The following ACKR1 variants were observed in gnomAD, a reference collection of about 807,000 sequenced individuals.
The protein encoded by ACKR1 is atypical chemokine receptor 1.
In ACKR1, 3 loss-of-function variants were observed where a neutral mutation model predicts 2.5. The ratio of observed to expected loss-of-function variants is 1.18; its 90% CI spans 0.54 to 3.06. ACKR1 has a LOEUF of 3.06. Among genes scored for constraint, ACKR1 ranks in the 30% most tolerant of loss-of-function variants. The probability of loss-of-function intolerance (pLI) is 0.03; values close to 1 mark genes in which losing one functional copy is unlikely to be tolerated. For synonymous variants in ACKR1, 208 were observed against 178.2 expected (o/e 1.17, Z -1.33); for missense variants, 438 against 395.2 (o/e 1.11, Z -0.92).
At position 159,205,900 on chromosome 1, in the gene ACKR1, G is replaced by A; in HGVS notation, c.461G>A (p.Gly154Asp). Residue 154 changes from glycine to aspartate, a missense_variant, in exon 2 of 2, where the codon GGC (glycine) becomes GAC (aspartate). Physicochemically the swap from Gly to Asp is moderately conservative, Grantham distance 94. Transcript: ENST00000368122. ...ALLLGCHASLGHRLGAGQVPG... is the reference protein window; with the variant it reads ...ALLLGCHASLDHRLGAGQVPG... ...CTGCTAGGGTGCCATGCCTCCCTGG[G>A]CCACAGACTGGGTGCAGGCCAGGTC... 1 of 1,614,018 alleles carries A rather than the reference G, an allele frequency of 6.2e-7. No individual in the cohort carries two copies.
intron 1 of ACKR1, 116 bp downstream of exon 1, chr1:159,205,096 G>A (rs1022031510): frequency 7.8e-5 from 98 of 1,255,076 alleles, no homozygotes; most frequent in Non-Finnish European, 1.1e-4. Context: ...CTCCCTTCCT[G>A]CTTTTTTCCT....
At position 159,206,414 on chromosome 1, in the gene ACKR1, G is replaced by T. The variant is rs1443484164; in HGVS notation, c.975G>T (p.Trp325Cys). 1.9e-6 allele frequency: 3 copies of T among 1,613,942 alleles called. No homozygotes were observed. The highest frequency in any genetic ancestry group is 2.5e-6 in the Non-Finnish European group (3 of 1,179,960). The change falls in exon 2 of 2, where the codon TGG (tryptophan) becomes TGT (cysteine). Residue 325 changes from tryptophan to cysteine, a missense_variant. Trp to Cys is a radical substitution (Grantham distance 215). Coordinates refer to ENST00000368122, the MANE Select transcript of ACKR1 (RefSeq NM_002036.4). ...CCTCTCTGCCCCTCCCTGAAGGATG[G>T]TCTTCTCATCTGGACACCCTTGGAA... ...LLPSLPLPEG[W>C]SSHLDTLGSK...
rs765831821 is a variant in ACKR1, at chr1:159,204,926, C to T, written c.-34C>T. On this transcript the variant is annotated 5_prime_UTR_variant, in exon 1 of 2. Coordinates refer to ENST00000368122, the MANE Select transcript of ACKR1 (RefSeq NM_002036.4). ...GCACAGGCGCTGACAGCCGTCCCAG[C>T]CCTTCTGTCTGCGGGCCTGAACCAA... 4 of 1,613,954 alleles carry T rather than the reference C, an allele frequency of 2.5e-6. No individual in the cohort carries two copies. In the African/African-American group the frequency reaches 4.0e-5, roughly 16 times the overall value.
chr1:159,206,031 A>T lies in ACKR1; in HGVS notation c.592A>T (p.Ile198Leu). 1 of 1,614,198 alleles carries T rather than the reference A, an allele frequency of 6.2e-7. No individual in the cohort carries two copies. Among genetic ancestry groups the T allele is most frequent in the Non-Finnish European group, 8.5e-7 (1 of 1,180,008 alleles). ...SGASGGLCTLIYSTELKALQA... is the reference protein window; with the variant it reads ...SGASGGLCTLLYSTELKALQA... Reference sequence around the variant, plus strand: ...TGCTTCTGGTGGACTCTGCACCCTGATATACAGCACGGAGCTGAAGGCTTT... The same window carrying T: ...TGCTTCTGGTGGACTCTGCACCCTGTTATACAGCACGGAGCTGAAGGCTTT... The change falls in exon 2 of 2, where the codon ATA becomes TTA. Residue 198 changes from isoleucine to leucine, a missense_variant. Ile to Leu is a conservative substitution (Grantham distance 5). Transcript: ENST00000368122.
At position 159,204,979 on chromosome 1, in the gene ACKR1, G is replaced by A; in HGVS notation, c.20G>A (p.Arg7Lys). Residue 7 changes from arginine to lysine, a missense_variant and splice_region_variant, in exon 1 of 2, where the codon AGG becomes AAG. Transcript: ENST00000368122. Reference protein sequence around the residue: MGNCLHRAELSPSTENS... With the variant: MGNCLHKAELSPSTENS... The stretch of plus-strand genomic sequence containing the variant: ...GGTGCCATGGGGAACTGTCTGCACA[G>A]GGTGAGTATGGGGCCAGGCCCCAGA... 3 of 1,614,108 alleles carry A rather than the reference G, an allele frequency of 1.9e-6. No homozygotes were observed. Among genetic ancestry groups the A allele is most frequent in the Non-Finnish European group, 2.5e-6 (3 of 1,179,998 alleles).
In ACKR1 at chr1:159,205,346, A is replaced by G; in HGVS notation, c.22-115A>G. 3.1e-6 allele frequency: 4 copies of G among 1,295,608 alleles called. No homozygotes were observed. In the Admixed American group the frequency reaches 8.7e-5, roughly 28 times the overall value. 80.3% of individuals were successfully genotyped at this position (1,295,608 alleles called of 1,614,324 possible). On this transcript the variant is annotated intron_variant, in intron 1 of 1. Coordinates refer to ENST00000368122, the MANE Select transcript of ACKR1 (RefSeq NM_002036.4). ...TCCGCACTGCATCTGACTCCTGCAG[A>G]GACCTTGTTCTCCCACCCGACCTTC...
At chr1:159,205,151 C>T in intron 1 of ACKR1, 171 bp downstream of exon 1, 1 of 801,172 alleles carries the variant, frequency 1.2e-6, no homozygotes, top group Non-Finnish European at 2.0e-6. Flanking sequence ...ATGCTAGCCT[C>T]CTAGCTCCCT....
rs36007769 is a variant in ACKR1 at position 159,206,153 on chromosome 1, G to A, written c.714G>A (p.Gly238=). 9,069 of 1,614,250 alleles carry A rather than the reference G, an allele frequency of 5.6e-3. 39 individuals carry two copies. The highest frequency in any genetic ancestry group is 8.2e-3 in the Middle Eastern group (50 of 6,062). ...GGCTGAAGAAGGCATTGGGTATGGGGCCAGGCCCCTGGATGAATATCCTGT... is the reference window on the plus strand; with the variant it reads ...GGCTGAAGAAGGCATTGGGTATGGGACCAGGCCCCTGGATGAATATCCTGT... ...AKGLKKALGM[G]PGPWMNILWA... The change falls in exon 2 of 2, where the codon GGG becomes GGA. Residue 238 remains glycine, a synonymous_variant. Coordinates refer to ENST00000368122, the MANE Select transcript of ACKR1 (RefSeq NM_002036.4).
Position 159,205,525 on chromosome 1 carries a change from C to T in ACKR1, c.86C>T (p.Ser29Phe). 1 of 1,614,224 alleles carries T rather than the reference C, an allele frequency of 6.2e-7. No individual in the cohort carries two copies. Among genetic ancestry groups the T allele is most frequent in the Non-Finnish European group, 8.5e-7 (1 of 1,180,030 alleles). Reference protein sequence around the residue: ...QLDFEDVWNSSYGVNDSFPDG... With the variant: ...QLDFEDVWNSFYGVNDSFPDG... ...GACTTCGAAGATGTATGGAATTCTT[C>T]CTATGGTGTGAATGATTCCTTCCCA... Residue 29 changes from serine (S) to phenylalanine (F), a missense_variant, in exon 2 of 2, where the codon TCC (serine) becomes TTC (phenylalanine). By Grantham distance (155) the Ser-to-Phe change is radical. Transcript: ENST00000368122.
intron 1 of ACKR1, 28 bp from the exon 2 acceptor site, chr1:159,205,433 G>A (rs772160190): frequency 2.5e-6 from 4 of 1,586,884 alleles, no homozygotes; most frequent in Non-Finnish European, 3.4e-6. Flanking sequence ...GTGTAACTCT[G>A]ATGGCCTCCT....
intron 1 of ACKR1, 128 bp downstream of exon 1, chr1:159,205,108 T>C: frequency 8.5e-7 from 1 of 1,178,760 alleles, no homozygotes; most frequent in Non-Finnish European, 1.2e-6. Flanking sequence ...TTTTTTCCTC[T>C]TCCTTCAAAG....
intron 1 of ACKR1, 44 bp downstream of exon 1, chr1:159,205,024 C>T: frequency 1.3e-6 from 2 of 1,595,044 alleles, no homozygotes; most frequent in Middle Eastern, 1.7e-4. Context: ...CCCTATGCCC[C>T]TCATTTCCCC....
In ACKR1 at chr1:159,206,374, C is replaced by T. The variant is rs1405957013; in HGVS notation, c.935C>T (p.Thr312Ile). The T allele has an allele frequency of 3.1e-6, 5 of 1,614,122 alleles. No individual in the cohort carries two copies. The highest frequency in any genetic ancestry group is 8.5e-7 in the Non-Finnish European group (1 of 1,180,042). ...CTCGCCCTATTCTGCCACCAGGCCA[C>T]CCGCACCCTCTTGCCCTCTCTGCCC... The part of the protein sequence containing the change: ...LLLALFCHQA[T>I]RTLLPSLPLP... Residue 312 changes from threonine (T) to isoleucine (I), a missense_variant, in exon 2 of 2, where the codon ACC (threonine) becomes ATC (isoleucine). By Grantham distance (89) the Thr-to-Ile change is moderately conservative. Transcript: ENST00000368122.
intron 1 of ACKR1, 139 bp downstream of exon 1, chr1:159,205,119 T>A: frequency 9.3e-7 from 1 of 1,069,532 alleles, no homozygotes; most frequent in Non-Finnish European, 1.3e-6. Context: ...TCCTTCAAAG[T>A]CTTTTTCCTT....
rs1242913866 is a variant in ACKR1, at chr1:159,205,735, T to C, written c.296T>C (p.Leu99Pro). ...RWQLCPGWPV[L>P]AQLAVGSALF... The stretch of plus-strand genomic sequence containing the variant: ...CAGCTCTGCCCTGGCTGGCCTGTCC[T>C]GGCACAGCTGGCTGTGGGCAGTGCC... The change falls in exon 2 of 2, where the codon CTG becomes CCG. Residue 99 changes from leucine (L) to proline (P), a missense_variant. Physicochemically the swap from Leu to Pro is moderately conservative, Grantham distance 98. Coordinates refer to ENST00000368122, the MANE Select transcript of ACKR1 (RefSeq NM_002036.4). 1 of 1,614,050 alleles carries C rather than the reference T, an allele frequency of 6.2e-7. No individual in the cohort carries two copies. The highest frequency in any genetic ancestry group is 1.1e-5 in the South Asian group (1 of 91,084).
Position 159,206,429 on chromosome 1 carries a change from C to T in ACKR1, c.990C>T (p.Asp330=). The T allele has an allele frequency of 6.2e-7, 1 of 1,613,474 alleles. No homozygotes were observed. The highest frequency in any genetic ancestry group is 8.5e-7 in the Non-Finnish European group (1 of 1,179,546). ...PLPEGWSSHL[D]TLGSKS is the part of the protein sequence containing the mutation. Reference sequence around the variant, plus strand: ...CTGAAGGATGGTCTTCTCATCTGGACACCCTTGGAAGCAAATCCTAGTTCT... The same window carrying T: ...CTGAAGGATGGTCTTCTCATCTGGATACCCTTGGAAGCAAATCCTAGTTCT... Residue 330 remains aspartate (D), a synonymous_variant, in exon 2 of 2, where the codon GAC becomes GAT. Transcript: ENST00000368122.
At position 159,204,900 on chromosome 1, in the gene ACKR1, A is replaced by G; in HGVS notation, c.-60A>G. On this transcript the variant is annotated 5_prime_UTR_variant, in exon 1 of 2. Coordinates refer to ENST00000368122, the MANE Select transcript of ACKR1 (RefSeq NM_002036.4). ...ATTAGTCCTTGGCTCTTATCTTGGA[A>G]GCACAGGCGCTGACAGCCGTCCCAG... 1 of 1,610,716 alleles carries G rather than the reference A, an allele frequency of 6.2e-7. No individual in the cohort carries two copies. Among genetic ancestry groups the G allele is most frequent in the Non-Finnish European group, 8.5e-7 (1 of 1,177,030 alleles).
Position 159,206,083 on chromosome 1 carries a change from T to C in ACKR1, c.644T>C (p.Leu215Pro). 5 of 1,614,254 alleles carry C rather than the reference T, an allele frequency of 3.1e-6. No homozygotes were observed. The highest frequency in any genetic ancestry group is 4.2e-6 in the Non-Finnish European group (5 of 1,180,036). ...CAGGCCACACACACTGTAGCCTGTC[T>C]TGCCATCTTTGTCTTGTTGCCATTG... Reference protein sequence around the residue: ...ALQATHTVACLAIFVLLPLGL... With the variant: ...ALQATHTVACPAIFVLLPLGL... The change falls in exon 2 of 2, where the codon CTT becomes CCT. Residue 215 changes from leucine (L) to proline (P), a missense_variant. By Grantham distance (98) the Leu-to-Pro change is moderately conservative. Coordinates refer to ENST00000368122, the MANE Select transcript of ACKR1 (RefSeq NM_002036.4).
chr1:159,205,455 C>T lies in ACKR1; in HGVS notation c.22-6C>T, dbSNP rs1440532248. ...TCTGATGGCCTCCTCTGGGTATGTCCTCCAGGCGGAGCTCTCCCCCTCAAC... is the reference window on the plus strand; with the variant it reads ...TCTGATGGCCTCCTCTGGGTATGTCTTCCAGGCGGAGCTCTCCCCCTCAAC... On this transcript the variant is annotated splice_polypyrimidine_tract_variant and splice_region_variant and intron_variant, in intron 1 of 1. Transcript: ENST00000368122. 1.2e-6 allele frequency: 2 copies of T among 1,603,364 alleles called. No homozygotes were observed. The highest frequency in any genetic ancestry group is 1.7e-5 in the Admixed American group (1 of 59,648).
Sources: gnomAD v4.1 joint callset for allele counts on GRCh38, gnomAD v4.1.1 for gene constraint, MANE v1.5 for transcripts, NCBI Gene and HGNC (gene_info 2026-07-23, HGNC 2026-07-21) for gene names.